RBFOX1: variants seen among roughly 807,000 people sequenced by gnomAD.
RBFOX1 encodes the protein RNA binding fox-1 homolog 1.
RBFOX1 carries 8 observed loss-of-function variants against 57.7 expected under a neutral mutation model. The ratio of observed to expected loss-of-function variants is 0.14; its 90% CI spans 0.08 to 0.25. RBFOX1 has a LOEUF of 0.25. RBFOX1 is among the 10% of genes least tolerant of loss of function. The pLI, the probability that RBFOX1 is intolerant of heterozygous loss-of-function variation, is 1.00. For missense variants in RBFOX1, 611 were observed against 548.5 expected (o/e 1.11, Z -1.14); for synonymous variants, 326 against 222.4 (o/e 1.47, Z -4.15).
Position 5,504,061 on chromosome 16 carries a change from A to AT in RBFOX1, c.258+36808dup, listed in dbSNP as rs140747931. ...GGGGCCCCTCCAGCCCCTTCCTGGC[A>AT]TCTGGAGCAGCATCTCCAGAGGGCG... On this transcript the variant is annotated intron_variant, in intron 2 of 2. Transcript: ENST00000585867. Among the ~76,000 whole-genome samples, 616 of 152,254 alleles carry AT rather than the reference A, an allele frequency of 4.0e-3. 8 individuals carry two copies. Among genetic ancestry groups the AT allele is most frequent in the African/African-American group, 0.013 (555 of 41,554 alleles).
intron 2 of RBFOX1, among the ~76,000 whole-genome samples, chr16:5,543,301 C>T (rs138395433): frequency 6.6e-6 from 1 of 152,096 alleles, no homozygotes; most frequent in Non-Finnish European, 1.5e-5. Context: ...CAGAGAGGGA[C>T]GTGTTTAAAA....
intron 3 of RBFOX1, among the ~76,000 whole-genome samples, chr16:5,629,375 C>G (rs1051252093): frequency 6.6e-6 from 1 of 152,222 alleles, no homozygotes; most frequent in Non-Finnish European, 1.5e-5. Context: ...CCACACAGCT[C>G]TGCCGTGGTC....
intron 3 of RBFOX1, among the ~76,000 whole-genome samples, chr16:6,953,067 G>A (rs575419539): frequency 2.2e-4 from 33 of 152,214 alleles, no homozygotes; most frequent in African/African-American, 7.2e-4. Flanking sequence ...TGCAGGTGGC[G>A]AAACCAAGCC....
intron 5 of RBFOX1, among the ~76,000 whole-genome samples, chr16:7,549,445 C>A (rs1020573613): frequency 3.3e-5 from 5 of 152,048 alleles, no homozygotes; most frequent in Admixed American, 3.3e-4. Flanking sequence ...AGGGACAGAA[C>A]TAATAGGATA....
chr16:6,625,083 T>G (rs2098284199), intron 2 of RBFOX1, among the ~76,000 whole-genome samples: 1 of 146,546 alleles, frequency 6.8e-6, no homozygotes, highest in African/African-American at 2.5e-5. Flanking sequence ...GAGAATCTCT[T>G]TAACCTGGGA....
intron 3 of RBFOX1, among the ~76,000 whole-genome samples, chr16:6,984,638 T>G (rs987856083): frequency 2.0e-5 from 3 of 152,102 alleles, no homozygotes; most frequent in African/African-American, 4.8e-5. Flanking sequence ...ATGCCTTCTT[T>G]ACTTAATATT....
intron 13 of RBFOX1, among the ~76,000 whole-genome samples, chr16:7,672,585 A>C (rs919218343): frequency 6.6e-6 from 1 of 152,096 alleles, no homozygotes; most frequent in Non-Finnish European, 1.5e-5. Flanking sequence ...GGATGTGGCC[A>C]GGTGTGGTGG....
chr16:5,348,125 C>T (rs557511829), intron 1 of RBFOX1, among the ~76,000 whole-genome samples: 5 of 149,934 alleles, frequency 3.3e-5, no homozygotes, highest in African/African-American at 7.4e-5. Flanking sequence ...CATCCATCCA[C>T]CCACCTATCC....
chr16:5,967,099 C>G (rs1413459292), intron 4 of RBFOX1, among the ~76,000 whole-genome samples: 4 of 150,268 alleles, frequency 2.7e-5, no homozygotes, highest in African/African-American at 7.3e-5. Flanking sequence ...TTGACGGCTG[C>G]TTCTTCGAGT....
rs140261613 is a variant in RBFOX1, at chr16:6,357,335, A to C, written c.-64+40278A>C. 8.9e-4 allele frequency among the ~76,000 whole-genome samples: 135 copies of C among 152,138 alleles called. 5 individuals carry two copies. In the Middle Eastern group the frequency reaches 0.017, roughly 19 times the overall value. On this transcript the variant is annotated intron_variant, in intron 2 of 15. Transcript: ENST00000550418. ...TGGGGAGCCAGGTGATTGAGAAGTT[A>C]GTGGCTAATTCAGCTCAGAGTTTGG...
chr16:6,363,873 T>C (rs1350641917), intron 2 of RBFOX1, among the ~76,000 whole-genome samples: 1 of 152,352 alleles, frequency 6.6e-6, no homozygotes, highest in Admixed American at 6.5e-5. Flanking sequence ...AGAGATGTTT[T>C]ATTAAATGAA....
intron 2 of RBFOX1, among the ~76,000 whole-genome samples, chr16:6,491,026 A>C (rs945732940): frequency 1.3e-5 from 2 of 152,150 alleles, no homozygotes; most frequent in Admixed American, 6.6e-5. Context: ...AGATGAACCC[A>C]CATAACCAAG....
intron 14 of RBFOX1, among the ~76,000 whole-genome samples, chr16:7,707,048 A>G (rs1705624112): frequency 6.6e-6 from 1 of 152,216 alleles, no homozygotes. Flanking sequence ...CAAGAGGGAG[A>G]TGACTGTCAG....
At chr16:6,617,762 T>C (rs796606184) in intron 2 of RBFOX1, among the ~76,000 whole-genome samples, 8 of 152,270 alleles carry the variant, frequency 5.3e-5, no homozygotes, top group Admixed American at 1.3e-4. Context: ...AGAGGAAATA[T>C]GGCAAGACAG....
chr16:7,013,764 C>T (rs1277264365), intron 3 of RBFOX1, among the ~76,000 whole-genome samples: 1 of 151,902 alleles, frequency 6.6e-6, no homozygotes, highest in Non-Finnish European at 1.5e-5. Context: ...CTCAAGCAAT[C>T]CTCTTATCTT....
intron 1 of RBFOX1, among the ~76,000 whole-genome samples, chr16:5,266,407 T>C (rs1295054722): frequency 6.6e-6 from 1 of 152,058 alleles, no homozygotes; most frequent in East Asian, 1.9e-4. Flanking sequence ...GCTGCTCTCA[T>C]AAAGGACAAT....
At chr16:5,781,236 T>A (rs1357354681) in intron 3 of RBFOX1, among the ~76,000 whole-genome samples, 3 of 152,104 alleles carry the variant, frequency 2.0e-5, no homozygotes, top group African/African-American at 7.2e-5. Flanking sequence ...GGAGGAAGGG[T>A]GCATCCTCTA....
chr16:6,164,237 C>T (rs1457671612), intron 1 of RBFOX1, among the ~76,000 whole-genome samples: 1 of 152,052 alleles, frequency 6.6e-6, no homozygotes, highest in African/African-American at 2.4e-5. Context: ...ATTTGTACTT[C>T]TGTATCTTTG....
chr16:5,339,446 A>C (rs990920278), intron 1 of RBFOX1, among the ~76,000 whole-genome samples: 9 of 136,052 alleles, frequency 6.6e-5, no homozygotes, highest in Middle Eastern at 4.2e-3. Context: ...GATTTTGCCA[A>C]AAGCTAGAAG....
Sources: allele counts gnomAD v4.1 joint callset (sites outside exome capture counted in the v4.1 genomes callset), GRCh38; gene constraint gnomAD v4.1.1; transcripts MANE v1.5; gene names NCBI Gene and HGNC (gene_info 2026-07-23, HGNC 2026-07-21).